MAP3K8: variants seen among roughly 807,000 people sequenced by gnomAD.
MAP3K8 encodes the protein Ewing sarcoma transformant.
A neutral mutation model predicts 45.8 loss-of-function variants in MAP3K8; 22 were observed. The ratio of observed to expected loss-of-function variants is 0.48; its 90% confidence interval spans 0.34 to 0.69. The LOEUF (loss-of-function observed/expected upper bound fraction) is 0.69. Among genes scored for constraint, MAP3K8 ranks in the 30% least tolerant of loss-of-function variants. MAP3K8 has a pLI of 0.01. For synonymous variants in MAP3K8, 223 were observed against 214.3 expected (o/e 1.04, Z -0.36); for missense variants, 419 against 585.0 (o/e 0.72, Z 2.93).
In MAP3K8 at chr10:30,441,000, T is replaced by C. The variant is rs190211128; in HGVS notation, c.336+1726T>C. ...CAAAGAAACAACATTCTGAAGTCTTTTAGGAATGGGACCAGAAAAGTTAAT... is the reference window on the plus strand; with the variant it reads ...CAAAGAAACAACATTCTGAAGTCTTCTAGGAATGGGACCAGAAAAGTTAAT... On this transcript the variant is annotated intron_variant, in intron 3 of 8. Transcript: ENST00000263056. Among the ~76,000 whole-genome samples the C allele has an allele frequency of 6.6e-5, 10 of 152,278 alleles. No individual in the cohort carries two copies. The East Asian group carries it at 1.9e-3, about 29-fold the overall frequency.
chr10:30,447,791 C>T lies in MAP3K8; in HGVS notation c.346C>T (p.Pro116Ser). Residue 116 changes from proline (P) to serine (S), a missense_variant, in exon 4 of 9, where the codon CCC (proline) becomes TCC (serine). Physicochemically the swap from Pro to Ser is moderately conservative, Grantham distance 74. Coordinates refer to ENST00000263056, the MANE Select transcript of MAP3K8 (RefSeq NM_005204.4). ...SGILLNMVITPQNGRYQIDSD... is the reference protein window; with the variant it reads ...SGILLNMVITSQNGRYQIDSD... ...TTTTATTTTGTTGTAGGTCATCACT[C>T]CCCAAAATGGACGTTACCAAATAGA... 2 of 1,613,550 alleles carry T rather than the reference C, an allele frequency of 1.2e-6. No homozygotes were observed. Among genetic ancestry groups the T allele is most frequent in the Non-Finnish European group, 1.7e-6 (2 of 1,179,762 alleles).
intron 3 of MAP3K8, among the ~76,000 whole-genome samples, chr10:30,446,534 CAAAAAA>C (rs5784199): frequency 1.1e-5 from 1 of 89,220 alleles, no homozygotes. Flanking sequence ...GACTCCATCT[CAAAAAA>C]AAAAAAAAAA....
intron 7 of MAP3K8, 21 bp from the exon 8 acceptor site, chr10:30,459,234 A>G (rs1836849109): frequency 6.2e-7 from 1 of 1,613,884 alleles, no homozygotes; most frequent in South Asian, 1.1e-5. Context: ...TTTGATGCTA[A>G]GAGAGCTGGT....
At chr10:30,455,686 C>T (rs777995272) in intron 6 of MAP3K8, among the ~76,000 whole-genome samples, 5 of 152,170 alleles carry the variant, frequency 3.3e-5, no homozygotes, top group Non-Finnish European at 7.3e-5. Flanking sequence ...TGCACATATA[C>T]GCACACACAC....
chr10:30,457,825 TTAG>T (rs1458994090), intron 6 of MAP3K8, among the ~76,000 whole-genome samples: 1 of 152,090 alleles, frequency 6.6e-6, no homozygotes, highest in Non-Finnish European at 1.5e-5. Context: ...TTTTGTATTT[TTAG>T]TAGAGACCAG....
rs546889203 is a variant in MAP3K8, at chr10:30,452,595, C to T, written c.873+851C>T. Among the ~76,000 whole-genome samples, 8 of 151,868 alleles carry T rather than the reference C, an allele frequency of 5.3e-5. No homozygotes were observed. In the South Asian group the frequency reaches 1.7e-3, roughly 31 times the overall value. ...CTGCAGTGAGCCATGGGCATTCCAG[C>T]CTGGATGACAGAACGAGATGTTGCT... On this transcript the variant is annotated intron_variant, in intron 6 of 8. Coordinates refer to ENST00000263056, the MANE Select transcript of MAP3K8 (RefSeq NM_005204.4).
chr10:30,451,720 T>G lies in MAP3K8; in HGVS notation c.849T>G (p.Phe283Leu). The G allele has an allele frequency of 1.3e-6, 2 of 1,589,252 alleles. No homozygotes were observed. Among genetic ancestry groups the G allele is most frequent in the Non-Finnish European group, 1.7e-6 (2 of 1,164,424 alleles). The change falls in exon 6 of 9, where the codon TTT becomes TTG. Residue 283 changes from phenylalanine (F) to leucine (L), a missense_variant. Around this residue, in one of 3 missense-constraint regions of MAP3K8, gnomAD observed 209 missense variants for 367.3 expected, o/e 0.57. Coordinates refer to ENST00000263056, the MANE Select transcript of MAP3K8 (RefSeq NM_005204.4). ...TTCAAATGACCGAAGATGTCTATTT[T>G]CCTAAGGACCTCCGAGGAACAGAGG... Reference protein sequence around the residue: ...LSVQMTEDVYFPKDLRGTEIY... With the variant: ...LSVQMTEDVYLPKDLRGTEIY...
At chr10:30,458,312 C>G in intron 7 of MAP3K8, 76 bp downstream of exon 7, 6 of 1,039,792 alleles carry the variant, frequency 5.8e-6, no homozygotes, top group Non-Finnish European at 7.8e-6. Flanking sequence ...TTGGGAGGGA[C>G]TGCTCTGCCT....
intron 6 of MAP3K8, among the ~76,000 whole-genome samples, chr10:30,455,257 G>T (rs923303327): frequency 2.6e-5 from 4 of 152,168 alleles, no homozygotes; most frequent in Non-Finnish European, 1.5e-5. Context: ...GTTGTGAAGT[G>T]ACCAGTGAAA....
intron 6 of MAP3K8, among the ~76,000 whole-genome samples, chr10:30,454,177 T>C (rs1042859306): frequency 3.3e-5 from 5 of 151,936 alleles, no homozygotes; most frequent in Admixed American, 6.6e-5. Context: ...GAAGTGCCCA[T>C]AGGAAATAGA....
At chr10:30,457,925 G>A (rs1836793819) in intron 6 of MAP3K8, among the ~76,000 whole-genome samples, 159 bp from the exon 7 acceptor site, 1 of 152,196 alleles carries the variant, frequency 6.6e-6, no homozygotes, top group Admixed American at 6.5e-5. Context: ...TCATCAGACT[G>A]CAGGGACACC....
At chr10:30,446,549 AAAGAAG>A (rs1218643293) in intron 3 of MAP3K8, among the ~76,000 whole-genome samples, 2 of 151,388 alleles carry the variant, frequency 1.3e-5, no homozygotes, top group East Asian at 3.9e-4. Context: ...AAAAAAAAAA[AAAGAAG>A]AAGAAGAAGT....
chr10:30,437,209 A>C lies in MAP3K8; in HGVS notation c.-221A>C. The C allele has an allele frequency of 1.0e-6, 1 of 985,290 alleles. No individual in the cohort carries two copies. The highest frequency in any genetic ancestry group is 4.7e-5 in the South Asian group (1 of 21,280). 61.0% of individuals were successfully genotyped at this position (985,290 alleles called of 1,614,324 possible). ...TTCTTACCGCGAAGAAGCCAGGGGA[A>C]TAGGTAGCCACATCTTGTTTGCAGA... On this transcript the variant is annotated 5_prime_UTR_variant, in exon 2 of 9. Coordinates refer to ENST00000263056, the MANE Select transcript of MAP3K8 (RefSeq NM_005204.4).
At position 30,460,790 on chromosome 10, in the gene MAP3K8, G is replaced by C. The variant is rs372679892; in HGVS notation, c.1358G>C (p.Gly453Ala). Residue 453 changes from glycine to alanine, a missense_variant, in exon 9 of 9, where the codon GGC becomes GCC. Physicochemically the swap from Gly to Ala is moderately conservative, Grantham distance 60 (BLOSUM62 0). Around this residue, in one of 3 missense-constraint regions of MAP3K8, gnomAD observed 108 missense variants for 124.2 expected, o/e 0.87. Transcript: ENST00000263056. ...TACATCGACCTCGGCGCTCTGGCTG[G>C]CTACTTCAATCTTGTTCGGGGACCA... ...SLYIDLGALA[G>A]YFNLVRGPPT... The C allele has an allele frequency of 3.3e-5, 54 of 1,613,846 alleles. 1 individual carries two copies. The highest frequency in any genetic ancestry group is 3.0e-4 in the South Asian group (27 of 91,080).
intron 3 of MAP3K8, chr10:30,439,602 C>A: frequency 2.5e-6 from 1 of 408,086 alleles, no homozygotes; most frequent in East Asian, 3.8e-5. Context: ...TTGAGGTCAG[C>A]AATTAGAGAC....
intron 6 of MAP3K8, among the ~76,000 whole-genome samples, chr10:30,457,379 C>G (rs1836773748): frequency 6.6e-6 from 1 of 152,044 alleles, no homozygotes; most frequent in African/African-American, 2.4e-5. Flanking sequence ...TAAGTTTTTC[C>G]CTTTCAAGAA....
Position 30,438,989 on chromosome 10 carries a change from A to G in MAP3K8, c.51A>G (p.Leu17=). The stretch of plus-strand genomic sequence containing the variant: ...ACAATAAAGAAGAGATTGATTTATT[A>G]ATTAAACATTTAAATGTGTCTGATG... ...GSDNKEEIDL[L]IKHLNVSDVI... is the part of the protein sequence containing the mutation. Residue 17 remains leucine (L), a synonymous_variant, in exon 3 of 9, where the codon TTA becomes TTG. Transcript: ENST00000263056. 7 of 1,612,310 alleles carry G rather than the reference A, an allele frequency of 4.3e-6. No homozygotes were observed. Among genetic ancestry groups the G allele is most frequent in the Non-Finnish European group, 5.9e-6 (7 of 1,178,396 alleles).
chr10:30,434,630 T>C (rs995429394), intron 1 of MAP3K8: 1 of 985,750 alleles, frequency 1.0e-6, no homozygotes, highest in Non-Finnish European at 1.2e-6. Flanking sequence ...CCTTCCCGTA[T>C]CCGCAGCGCC....
Position 30,450,457 on chromosome 10 carries a change from A to G in MAP3K8, c.704A>G (p.Lys235Arg), listed in dbSNP as rs1177302035. 6.2e-7 allele frequency: 1 copy of G among 1,614,110 alleles called. No individual in the cohort carries two copies. Among genetic ancestry groups the G allele is most frequent in the East Asian group, 2.2e-5 (1 of 44,882 alleles). Reference protein sequence around the residue: ...MREFEIIWVTKHVLKGLDFLH... With the variant: ...MREFEIIWVTRHVLKGLDFLH... ...GAATTTGAAATTATTTGGGTGACAA[A>G]GCATGTTCTCAAGGGACTTGATTTT... Residue 235 changes from lysine to arginine, a missense_variant, in exon 5 of 9, where the codon AAG becomes AGG. Physicochemically the swap from Lys to Arg is conservative, Grantham distance 26. Transcript: ENST00000263056.
Sources: allele counts gnomAD v4.1 joint callset (sites outside exome capture counted in the v4.1 genomes callset), GRCh38; gene constraint gnomAD v4.1.1; regional missense constraint gnomAD v4.1.1; transcripts MANE v1.5; gene names NCBI Gene and HGNC (gene_info 2026-07-23, HGNC 2026-07-21).